ITPKC: variants seen among roughly 807,000 people sequenced by gnomAD.
ITPKC encodes the protein IP3 3-kinase C.
In ITPKC, 33 loss-of-function variants were observed where a neutral mutation model predicts 67.1. That is an observed-to-expected ratio of 0.49 (90% confidence interval 0.37 to 0.66). The LOEUF is 0.66. ITPKC is among the 30% of genes least tolerant of loss of function. The pLI, the probability that ITPKC is intolerant of heterozygous loss-of-function variation, is 0.00. For missense variants in ITPKC, 820 were observed against 892.1 expected, an observed-to-expected ratio of 0.92 and a Z score of 1.03; for synonymous variants, 341 against 359.8, an observed-to-expected ratio of 0.95 and a Z score of 0.59.
chr19:40,718,431 C>A, intron 1 of ITPKC, 141 bp downstream of exon 1: 1 of 1,084,078 alleles, frequency 9.2e-7, no homozygotes, highest in Non-Finnish European at 1.3e-6. Context: ...CATCCACTGA[C>A]CTCCTCCCTC....
intron 3 of ITPKC, among the ~76,000 whole-genome samples, chr19:40,730,442 T>A (rs2082265553): frequency 6.6e-6 from 1 of 152,200 alleles, no homozygotes; most frequent in Admixed American, 6.5e-5. Flanking sequence ...GTATTATTAC[T>A]CTTTTTTGAG....
chr19:40,729,771 AAAAAGAAAAG>A (rs71173674), intron 3 of ITPKC, among the ~76,000 whole-genome samples: 10 of 146,078 alleles, frequency 6.8e-5, no homozygotes, highest in Admixed American at 2.0e-4. Flanking sequence ...CTGTCTCAAA[AAAAAGAAAAG>A]AAAAGAAAAG....
Position 40,739,616 on chromosome 19 carries a change from T to A in ITPKC, c.*56T>A. 6.7e-7 allele frequency: 1 copy of A among 1,501,122 alleles called. No homozygotes were observed. The highest frequency in any genetic ancestry group is 9.1e-7 in the Non-Finnish European group (1 of 1,102,272). The allele number at this position is 1,501,122 out of a possible 1,614,324, so 93.0% of individuals were successfully genotyped here. A position where few individuals can be genotyped will look rare whatever the true frequency, so the allele number is the denominator to read the frequency against. On this transcript the variant is annotated 3_prime_UTR_variant, in exon 7 of 7. Transcript: ENST00000263370. ...GGCGCCAGTCTGGCTGGAGGAGCCC[T>A]GAGATGCCATGGGAGGCCTGAGGTT...
intron 4 of ITPKC, among the ~76,000 whole-genome samples, chr19:40,735,192 T>A (rs1278341429): frequency 6.6e-6 from 1 of 152,204 alleles, no homozygotes; most frequent in Non-Finnish European, 1.5e-5. Context: ...GTGCAGGGAT[T>A]ATAGGCGTGA....
intron 4 of ITPKC, among the ~76,000 whole-genome samples, chr19:40,736,029 C>T (rs1211725020): frequency 1.1e-4 from 17 of 152,182 alleles, no homozygotes; most frequent in Middle Eastern, 3.2e-3. Flanking sequence ...CAGTGGCTCA[C>T]GCCAGTAATC....
chr19:40,722,290 G>A (rs1277188254), intron 1 of ITPKC, among the ~76,000 whole-genome samples: 1 of 152,112 alleles, frequency 6.6e-6, no homozygotes, highest in African/African-American at 2.4e-5. Flanking sequence ...TTGTAACACC[G>A]AGACGATAAT....
chr19:40,739,407 G>C lies in ITPKC; in HGVS notation c.1899G>C (p.Lys633Asn). 1 of 1,613,754 alleles carries C rather than the reference G, an allele frequency of 6.2e-7. No homozygotes were observed. Reference sequence around the variant, plus strand: ...TGCACGACCACACCGGCCTGGCCAAGGTCTGGATGATAGACTTCGGCAAGA... The same window carrying C: ...TGCACGACCACACCGGCCTGGCCAACGTCTGGATGATAGACTTCGGCAAGA... Reference protein sequence around the residue: ...LFVHDHTGLAKVWMIDFGKTV... With the variant: ...LFVHDHTGLANVWMIDFGKTV... The change falls in exon 7 of 7, where the codon AAG (lysine) becomes AAC (asparagine). Residue 633 changes from lysine to asparagine, a missense_variant. Lys to Asn is a moderately conservative substitution (Grantham distance 94). This residue lies in a region of ITPKC where 339 missense variants were observed against 422.0 expected (regional missense o/e 0.80). Coordinates refer to ENST00000263370, the MANE Select transcript of ITPKC (RefSeq NM_025194.3).
chr19:40,724,264 C>T (rs1270343083), intron 1 of ITPKC, among the ~76,000 whole-genome samples: 1 of 152,132 alleles, frequency 6.6e-6, no homozygotes, highest in Admixed American at 6.6e-5. Context: ...GTGGCACACG[C>T]CTGTAGTCCT....
rs779057536 is a variant in ITPKC at position 40,718,008 on chromosome 19, A to C, written c.873A>C (p.Thr291=). Residue 291 remains threonine, a synonymous_variant, in exon 1 of 7, where the codon ACA becomes ACC. Coordinates refer to ENST00000263370, the MANE Select transcript of ITPKC (RefSeq NM_025194.3). ...ACGGTTCCCAGACAGCACCTGGGAC[A>C]GACTGCCTCTTGGGAGAGCCTGAGG... ...STDGSQTAPG[T]DCLLGEPEDG... 2.5e-6 allele frequency: 4 copies of C among 1,614,050 alleles called. No individual in the cohort carries two copies. Among genetic ancestry groups the C allele is most frequent in the Non-Finnish European group, 3.4e-6 (4 of 1,180,016 alleles).
rs1190525239 is a variant in ITPKC, at chr19:40,729,370, C to G, written c.1424C>G (p.Ala475Gly). The G allele has an allele frequency of 6.2e-7, 1 of 1,613,748 alleles. No homozygotes were observed. Among genetic ancestry groups the G allele is most frequent in the Non-Finnish European group, 8.5e-7 (1 of 1,179,934 alleles). ...TTCAACCAGATGGAAGACCTCCTGG[C>G]TGACTTTGAGGGCCCCTCCATTATG... ...QTFNQMEDLL[A>G]DFEGPSIMDC... is the part of the protein sequence containing the mutation. The change falls in exon 3 of 7, where the codon GCT becomes GGT. Residue 475 changes from alanine (A) to glycine (G), a missense_variant. Transcript: ENST00000263370.
In ITPKC at chr19:40,737,100, C is replaced by A; in HGVS notation, c.1776+13C>A. On this transcript the variant is annotated intron_variant, in intron 5 of 6. Transcript: ENST00000263370. ...CCACGTCATCCTGGTGAGTGGGACA[C>A]CCATGTCCCAGAATGTAGCAGCTTA... The A allele has an allele frequency of 6.8e-7, 1 of 1,477,170 alleles. No individual in the cohort carries two copies. The highest frequency in any genetic ancestry group is 1.4e-5 in the African/African-American group (1 of 71,942). The allele number at this position is 1,477,170 out of a possible 1,614,324, so 91.5% of individuals were successfully genotyped here.
intron 1 of ITPKC, among the ~76,000 whole-genome samples, chr19:40,719,837 G>A (rs1028904999): frequency 2.0e-5 from 3 of 152,088 alleles, no homozygotes; most frequent in Non-Finnish European, 4.4e-5. Context: ...GGAAACTGAG[G>A]CACAGAGAAT....
chr19:40,738,300 G>A (rs1259957809), intron 6 of ITPKC, among the ~76,000 whole-genome samples: 1 of 152,024 alleles, frequency 6.6e-6, no homozygotes, highest in East Asian at 1.9e-4. Context: ...GTGGTGGCGG[G>A]CGCCTGTAGT....
At chr19:40,730,687 CCT>C (rs1211790691) in intron 3 of ITPKC, among the ~76,000 whole-genome samples, 3 of 152,124 alleles carry the variant, frequency 2.0e-5, no homozygotes, top group African/African-American at 7.2e-5. Context: ...TCTTCTGCCC[CCT>C]GAGTAGCTGG....
chr19:40,723,454 A>T (rs1335462066), intron 1 of ITPKC, among the ~76,000 whole-genome samples: 1 of 149,046 alleles, frequency 6.7e-6, no homozygotes, highest in African/African-American at 2.5e-5. Context: ...TTTTCTTTTC[A>T]TCATTACTTT....
At chr19:40,720,678 G>A (rs986401614) in intron 1 of ITPKC, among the ~76,000 whole-genome samples, 2 of 152,038 alleles carry the variant, frequency 1.3e-5, no homozygotes, top group African/African-American at 4.8e-5. Context: ...CGGTCTCCAG[G>A]CGCCTTCCCA....
intron 4 of ITPKC, 104 bp downstream of exon 4, chr19:40,733,468 G>A (rs537046386): frequency 1.8e-6 from 2 of 1,091,586 alleles, no homozygotes; most frequent in East Asian, 5.2e-5. Flanking sequence ...GACGGCGTGG[G>A]ATGAAAGGCT....
intron 1 of ITPKC, among the ~76,000 whole-genome samples, chr19:40,723,585 C>T: frequency 6.6e-6 from 1 of 151,998 alleles, no homozygotes; most frequent in East Asian, 1.9e-4. Context: ...CAACCTCTGC[C>T]TCTCGGGTTC....
intron 4 of ITPKC, among the ~76,000 whole-genome samples, chr19:40,735,334 CTCT>C (rs1034205695): frequency 1.3e-5 from 2 of 151,882 alleles, no homozygotes; most frequent in African/African-American, 2.4e-5. Context: ...GCCAGGAATG[CTCT>C]TCTATTTTTT....
Sources: gnomAD v4.1 joint callset for allele counts (sites outside exome capture counted in the v4.1 genomes callset) on GRCh38, gnomAD v4.1.1 for gene constraint, gnomAD v4.1.1 regional missense constraint, MANE v1.5 for transcripts, NCBI Gene and HGNC (gene_info 2026-07-23, HGNC 2026-07-21) for gene names.